The following MTMR2 variants were observed in gnomAD, a reference collection of about 807,000 sequenced individuals.
MTMR2 encodes the protein myotubularin related protein 2.
Under a neutral mutation model 86.9 loss-of-function variants are expected in MTMR2, and 55 were observed. The ratio of observed to expected loss-of-function variants is 0.63; its 90% CI spans 0.51 to 0.79. The LOEUF (loss-of-function observed/expected upper bound fraction) is 0.79, where lower values mean the gene tolerates loss of function less well. Among genes scored for constraint, MTMR2 ranks in the 30% least tolerant of loss-of-function variants. The probability of loss-of-function intolerance (pLI) is 0.00; values close to 1 mark genes in which losing one functional copy is unlikely to be tolerated. For missense variants in MTMR2, 659 were observed against 772.3 expected (o/e 0.85, Z 1.74); for synonymous variants, 241 against 266.8 (o/e 0.90, Z 0.94).
intron 12 of MTMR2, 86 bp from the exon 13 acceptor site, chr11:95,838,293 T>G: frequency 1.3e-6 from 1 of 775,046 alleles, no homozygotes; most frequent in South Asian, 1.4e-5. Context: ...TTTGAGGTAG[T>G]ATTTAAAATG....
chr11:95,854,007 A>T (rs552101877), intron 7 of MTMR2, among the ~76,000 whole-genome samples: 4 of 152,246 alleles, frequency 2.6e-5, no homozygotes, highest in Admixed American at 2.0e-4. Flanking sequence ...CTACCAGGAG[A>T]ACCACTGTTC....
chr11:95,866,769 TGAAGATGGGGTTAA>T (rs1864633420), intron 2 of MTMR2, among the ~76,000 whole-genome samples: 1 of 149,844 alleles, frequency 6.7e-6, no homozygotes, highest in Admixed American at 6.7e-5. Context: ...GACCAGCCTA[TGAAGATGGGGTTAA>T]AAAGGCAAAA....
chr11:95,868,961 A>AT (rs1279283032), intron 2 of MTMR2, among the ~76,000 whole-genome samples: 1 of 151,882 alleles, frequency 6.6e-6, no homozygotes, highest in East Asian at 1.9e-4. Context: ...AAAAAAAAAA[A>AT]GAAAAAGAAA....
At chr11:95,888,404 A>T (rs1865590319) in intron 1 of MTMR2, 143 bp from the exon 2 acceptor site, 1 of 651,112 alleles carries the variant, frequency 1.5e-6, no homozygotes, top group Admixed American at 2.4e-5. Context: ...TCTTATCTCT[A>T]AGTCTTAACA....
chr11:95,841,041 TCTA>T (rs1863521902), intron 12 of MTMR2, among the ~76,000 whole-genome samples: 3 of 152,284 alleles, frequency 2.0e-5, no homozygotes, highest in African/African-American at 7.2e-5. Context: ...CTCAGTCCCC[TCTA>T]CTCTTTCCAA....
chr11:95,863,809 T>A (rs1179718226), intron 3 of MTMR2, among the ~76,000 whole-genome samples: 6 of 152,158 alleles, frequency 3.9e-5, no homozygotes, highest in Non-Finnish European at 8.8e-5. Flanking sequence ...ATACAAAAAT[T>A]CAAGGGTTTA....
chr11:95,910,731 T>C (rs1866469948), intron 1 of MTMR2, among the ~76,000 whole-genome samples: 1 of 152,180 alleles, frequency 6.6e-6, no homozygotes, highest in Non-Finnish European at 1.5e-5. Context: ...ACAGCATGTT[T>C]GCCCAAGAAC....
At position 95,863,767 on chromosome 11, in the gene MTMR2, C is replaced by T. The variant is rs1321683902; in HGVS notation, c.263-1401G>A. On this transcript the variant is annotated intron_variant, in intron 3 of 14. Transcript: ENST00000346299. The stretch of plus-strand genomic sequence containing the variant: ...TATTCTAAAATCATGAGATAATATA[C>T]ATATAAAGATGCTTCTAAAGTTCTA... Among the ~76,000 whole-genome samples the T allele has an allele frequency of 2.6e-5, 4 of 152,036 alleles. No individual in the cohort carries two copies. The East Asian group carries it at 7.7e-4, about 29-fold the overall frequency.
chr11:95,870,758 T>G (rs961321655), intron 2 of MTMR2, among the ~76,000 whole-genome samples: 3 of 150,612 alleles, frequency 2.0e-5, no homozygotes, highest in African/African-American at 7.4e-5. Flanking sequence ...TATTATACTT[T>G]AAGTTTCAGG....
rs547677404 is a variant in MTMR2 at position 95,890,719 on chromosome 11, A to G, written c.81-2458T>C. On this transcript the variant is annotated intron_variant, in intron 1 of 14. Coordinates refer to ENST00000346299, the MANE Select transcript of MTMR2 (RefSeq NM_016156.6). ...TTCTTGTAGCATCACTGAGCCAACA[A>G]CTCTCTACCTCTGGAATTCTTGTTA... Among the ~76,000 whole-genome samples the G allele has an allele frequency of 2.6e-5, 4 of 152,150 alleles. No homozygotes were observed. The South Asian group carries it at 6.2e-4, about 24-fold the overall frequency.
In MTMR2 at chr11:95,903,466, T is replaced by C. The variant is rs560102445; in HGVS notation, c.81-15205A>G. Among the ~76,000 whole-genome samples, 80 of 152,282 alleles carry C rather than the reference T, an allele frequency of 5.3e-4. 1 individual carries two copies. Among genetic ancestry groups the C allele is most frequent in the Admixed American group, 9.8e-4 (15 of 15,292 alleles). On this transcript the variant is annotated intron_variant, in intron 1 of 14. Transcript: ENST00000346299. ...ACTATTCCAGACCATACCCACACAG[T>C]TGAACGAGTTGACAGAAAAAAAACA...
chr11:95,862,583 G>A (rs1205242417), intron 3 of MTMR2, among the ~76,000 whole-genome samples: 2 of 152,174 alleles, frequency 1.3e-5, no homozygotes, highest in Non-Finnish European at 2.9e-5. Context: ...CTGAAAAGGT[G>A]GAGGGACTTC....
chr11:95,844,160 G>T (rs1863669159), intron 11 of MTMR2, among the ~76,000 whole-genome samples: 1 of 152,138 alleles, frequency 6.6e-6, no homozygotes, highest in Non-Finnish European at 1.5e-5. Flanking sequence ...ATAAACATGT[G>T]CAGCTTTGGC....
chr11:95,913,337 C>G (rs547045463), intron 1 of MTMR2, among the ~76,000 whole-genome samples: 2 of 152,182 alleles, frequency 1.3e-5, no homozygotes, highest in East Asian at 3.9e-4. Context: ...AGAGGAAAAC[C>G]ACAACCTTTC....
chr11:95,835,874 T>C (rs1196294708), intron 14 of MTMR2, among the ~76,000 whole-genome samples: 1 of 151,972 alleles, frequency 6.6e-6, no homozygotes, highest in Non-Finnish European at 1.5e-5. Flanking sequence ...TTCAGCTTAT[T>C]AAAACAAGAC....
At chr11:95,850,544 A>G in intron 8 of MTMR2, 56 bp downstream of exon 8, 1 of 1,545,548 alleles carries the variant, frequency 6.5e-7, no homozygotes, top group Non-Finnish European at 8.9e-7. Flanking sequence ...CATTAATCTC[A>G]GCATTATGTT....
intron 12 of MTMR2, among the ~76,000 whole-genome samples, chr11:95,839,405 T>C (rs1863440342): frequency 6.6e-6 from 1 of 152,116 alleles, no homozygotes; most frequent in African/African-American, 2.4e-5. Context: ...GAATGCATCC[T>C]GAATCACTAA....
intron 1 of MTMR2, among the ~76,000 whole-genome samples, chr11:95,891,943 A>G (rs189670969): frequency 6.6e-6 from 1 of 152,286 alleles, no homozygotes; most frequent in Admixed American, 6.5e-5. Flanking sequence ...AGAACTGTTA[A>G]AACTTCTGGT....
intron 2 of MTMR2, among the ~76,000 whole-genome samples, chr11:95,880,398 G>A (rs1054033046): frequency 2.0e-5 from 3 of 151,904 alleles, no homozygotes; most frequent in African/African-American, 4.8e-5. Flanking sequence ...CATTTATCAC[G>A]TACACAAATA....
Sources: allele counts gnomAD v4.1 joint callset (sites outside exome capture counted in the v4.1 genomes callset), GRCh38; gene constraint gnomAD v4.1.1; transcripts MANE v1.5; gene names NCBI Gene and HGNC (gene_info 2026-07-23, HGNC 2026-07-21).